EPHA6: variants seen among roughly 807,000 people sequenced by gnomAD.
EPHA6 encodes the protein ephrin type-A receptor 6.
EPHA6 carries 50 observed loss-of-function variants against 112.0 expected under a neutral mutation model. The ratio of observed to expected loss-of-function variants is 0.45; its 90% CI spans 0.36 to 0.56. EPHA6 has a LOEUF of 0.56. Ranked by LOEUF, EPHA6 falls within the 20% of genes least tolerant of loss-of-function variation. EPHA6 has a pLI of 0.00. For missense variants in EPHA6, 1,280 were observed against 1,417.4 expected, an observed-to-expected ratio of 0.90 and a Z score of 1.56; for synonymous variants, 529 against 490.7, an observed-to-expected ratio of 1.08 and a Z score of -1.03.
chr3:97,094,423 T>C (rs1644650228), intron 3 of EPHA6, among the ~76,000 whole-genome samples: 1 of 152,136 alleles, frequency 6.6e-6, no homozygotes, highest in Admixed American at 6.6e-5. Context: ...TCTCCTGTCA[T>C]AACAAGTATT....
At chr3:96,896,378 T>C (rs2038269885) in intron 2 of EPHA6, among the ~76,000 whole-genome samples, 1 of 152,218 alleles carries the variant, frequency 6.6e-6, no homozygotes, top group African/African-American at 2.4e-5. Flanking sequence ...CAAACTAAGT[T>C]TGCAGACTGC....
intron 2 of EPHA6, among the ~76,000 whole-genome samples, chr3:96,903,697 C>T (rs182473854): frequency 1.0e-3 from 158 of 152,114 alleles, no homozygotes; most frequent in Non-Finnish European, 1.4e-3. Flanking sequence ...AAAATTTTTG[C>T]AACCTACTCA....
intron 3 of EPHA6, among the ~76,000 whole-genome samples, chr3:97,180,269 G>A (rs564783716): frequency 7.9e-5 from 12 of 151,902 alleles, no homozygotes; most frequent in South Asian, 4.1e-4. Context: ...CCTGGTACTC[G>A]TCCTTCAGGG....
chr3:96,817,301 A>G (rs879928379), intron 1 of EPHA6, among the ~76,000 whole-genome samples: 5 of 151,958 alleles, frequency 3.3e-5, no homozygotes, highest in African/African-American at 7.2e-5. Flanking sequence ...TCATCACACT[A>G]ATGGTTAATA....
chr3:97,723,759 T>C lies in EPHA6; in HGVS notation c.2934+3349T>C, dbSNP rs1330055029. ...ACATCAATTCAAGACTACAGGAAAA[T>C]AGTAGGAGCTAAAATCTTTTATGTA... On this transcript the variant is annotated intron_variant, in intron 15 of 17. Transcript: ENST00000389672. 2.6e-5 allele frequency among the ~76,000 whole-genome samples: 4 copies of C among 152,080 alleles called. No homozygotes were observed. In the South Asian group the frequency reaches 8.3e-4, roughly 32 times the overall value.
At chr3:97,346,429 T>C (rs1362944702) in intron 5 of EPHA6, among the ~76,000 whole-genome samples, 1 of 152,130 alleles carries the variant, frequency 6.6e-6, no homozygotes, top group Non-Finnish European at 1.5e-5. Context: ...ATAAGTGTCT[T>C]CAAAGTAGAC....
At chr3:97,211,539 C>A (rs2077875568) in intron 3 of EPHA6, among the ~76,000 whole-genome samples, 2 of 152,160 alleles carry the variant, frequency 1.3e-5, no homozygotes, top group Non-Finnish European at 2.9e-5. Flanking sequence ...TCCTTATTTG[C>A]AGATGGCTAT....
At chr3:97,563,623 G>A (rs1464033807) in intron 11 of EPHA6, among the ~76,000 whole-genome samples, 3 of 152,114 alleles carry the variant, frequency 2.0e-5, no homozygotes, top group Non-Finnish European at 4.4e-5. Flanking sequence ...CAAGAGCAAA[G>A]TAAAATTTAT....
At chr3:97,713,300 T>C (rs2034062912) in intron 14 of EPHA6, among the ~76,000 whole-genome samples, 1 of 152,098 alleles carries the variant, frequency 6.6e-6, no homozygotes, top group Non-Finnish European at 1.5e-5. Context: ...CAAGGACCAA[T>C]AGTTGGTGAG....
chr3:97,105,519 T>A (rs757953525), intron 3 of EPHA6, among the ~76,000 whole-genome samples: 1 of 152,176 alleles, frequency 6.6e-6, no homozygotes, highest in African/African-American at 2.4e-5. Context: ...CAATAGTGTG[T>A]TTGGTACAAT....
At chr3:97,196,617 G>C (rs182488511) in intron 3 of EPHA6, among the ~76,000 whole-genome samples, 1 of 151,964 alleles carries the variant, frequency 6.6e-6, no homozygotes, top group Admixed American at 6.6e-5. Context: ...CAACATTCTT[G>C]TGAAGGCTAT....
intron 2 of EPHA6, among the ~76,000 whole-genome samples, chr3:96,966,561 T>C (rs1434390016): frequency 6.6e-6 from 1 of 152,156 alleles, no homozygotes; most frequent in Non-Finnish European, 1.5e-5. Flanking sequence ...GTTTTTGTTG[T>C]TACTGTTATT....
chr3:97,268,339 A>G (rs1229348244), intron 5 of EPHA6, among the ~76,000 whole-genome samples: 1 of 152,212 alleles, frequency 6.6e-6, no homozygotes, highest in Non-Finnish European at 1.5e-5. Flanking sequence ...TAATCACTAT[A>G]GGATAAAAGG....
At position 97,063,238 on chromosome 3, in the gene EPHA6, G is replaced by T. The variant is rs939159981; in HGVS notation, c.1114+75245G>T. On this transcript the variant is annotated intron_variant, in intron 3 of 17. Coordinates refer to ENST00000389672, the MANE Select transcript of EPHA6 (RefSeq NM_001080448.3). The stretch of plus-strand genomic sequence containing the variant: ...GGAATATAAATCTTTCTATTATAAA[G>T]ATGCATGCATGTGTATGTTCATTGC... 3.3e-5 allele frequency among the ~76,000 whole-genome samples: 5 copies of T among 152,048 alleles called. No homozygotes were observed. In the East Asian group the frequency reaches 9.6e-4, roughly 29 times the overall value.
At chr3:97,042,840 G>C (rs996808578) in intron 3 of EPHA6, among the ~76,000 whole-genome samples, 5 of 152,020 alleles carry the variant, frequency 3.3e-5, no homozygotes, top group African/African-American at 1.2e-4. Context: ...ATAAAATCTT[G>C]ACCACCACCT....
rs186618855 is a variant in EPHA6, at chr3:97,258,357, A to T, written c.1606+14070A>T. 6.8e-4 allele frequency among the ~76,000 whole-genome samples: 103 copies of T among 152,188 alleles called. 1 individual carries two copies. Among genetic ancestry groups the T allele is most frequent in the Middle Eastern group, 6.8e-3 (2 of 294 alleles). On this transcript the variant is annotated intron_variant, in intron 5 of 17. Coordinates refer to ENST00000389672, the MANE Select transcript of EPHA6 (RefSeq NM_001080448.3). ...AACCTTTTAAAATTTCAATGTTATGATACTTTTGCCCCTTGGTGGTAAAGT... is the reference window on the plus strand; with the variant it reads ...AACCTTTTAAAATTTCAATGTTATGTTACTTTTGCCCCTTGGTGGTAAAGT...
Position 97,443,858 on chromosome 3 carries a change from A to T in EPHA6, c.1732-4710A>T, listed in dbSNP as rs187256535. 3.0e-3 allele frequency among the ~76,000 whole-genome samples: 462 copies of T among 152,276 alleles called. 2 individuals carry two copies. Among genetic ancestry groups the T allele is most frequent in the Non-Finnish European group, 4.8e-3 (327 of 68,012 alleles). Reference sequence around the variant, plus strand: ...CTAGTGTATAGATAGTTAAGAACATAAAGTGTGGAAAAAACTACTTTGGCT... The same window carrying T: ...CTAGTGTATAGATAGTTAAGAACATTAAGTGTGGAAAAAACTACTTTGGCT... On this transcript the variant is annotated intron_variant, in intron 6 of 17. Coordinates refer to ENST00000389672, the MANE Select transcript of EPHA6 (RefSeq NM_001080448.3).
At chr3:97,640,482 G>A (rs1299743646) in intron 14 of EPHA6, among the ~76,000 whole-genome samples, 1 of 152,000 alleles carries the variant, frequency 6.6e-6, no homozygotes, top group Non-Finnish European at 1.5e-5. Flanking sequence ...AGATATTATT[G>A]GGGCCGGGCA....
chr3:97,042,853 C>A (rs540594018), intron 3 of EPHA6, among the ~76,000 whole-genome samples: 1 of 152,264 alleles, frequency 6.6e-6, no homozygotes, highest in African/African-American at 2.4e-5. Context: ...CACCACCTAA[C>A]CACTCACATT....
Sources: gnomAD v4.1 joint callset for allele counts (sites outside exome capture counted in the v4.1 genomes callset) on GRCh38, gnomAD v4.1.1 for gene constraint, MANE v1.5 for transcripts, NCBI Gene and HGNC (gene_info 2026-07-23, HGNC 2026-07-21) for gene names.